Variants in CDC7 observed in about 807,000 individuals in gnomAD.
CDC7 encodes cell division cycle 7, also known as cell division cycle 7-related protein kinase.
Under a neutral mutation model 53.5 loss-of-function variants are expected in CDC7, and 34 were observed. That is an observed-to-expected ratio of 0.64 (90% confidence interval 0.48 to 0.85). The LOEUF (loss-of-function observed/expected upper bound fraction) is 0.85, where lower values mean the gene tolerates loss of function less well. Ranked by LOEUF, CDC7 falls within the 40% of genes least tolerant of loss-of-function variation. The probability of loss-of-function intolerance (pLI) is 0.00; values close to 1 mark genes in which losing one functional copy is unlikely to be tolerated. For missense variants in CDC7, 594 were observed against 679.7 expected (o/e 0.87, Z 1.40); for synonymous variants, 211 against 222.8 (o/e 0.95, Z 0.47).
intron 2 of CDC7, 73 bp from the exon 3 acceptor site, chr1:91,507,781 G>T: frequency 1.0e-6 from 1 of 979,766 alleles, no homozygotes; most frequent in South Asian, 1.6e-5. Context: ...ATTTCATTGA[G>T]CTTTTTAAAT....
chr1:91,509,371 CAAAAA>C (rs200506949), intron 4 of CDC7, among the ~76,000 whole-genome samples: 1 of 103,466 alleles, frequency 9.7e-6, no homozygotes, highest in African/African-American at 3.4e-5. Flanking sequence ...CTTAACATAC[CAAAAA>C]AAAAAAAAAA....
At chr1:91,504,382 T>G (rs753111620) in intron 2 of CDC7, among the ~76,000 whole-genome samples, 89 of 152,194 alleles carry the variant, frequency 5.8e-4, no homozygotes, top group Non-Finnish European at 7.3e-4. Flanking sequence ...GCACTGGGAT[T>G]ACAGGTGTGA....
chr1:91,501,970 C>G, intron 2 of CDC7, 139 bp downstream of exon 2: 1 of 669,206 alleles, frequency 1.5e-6, no homozygotes, highest in Non-Finnish European at 2.5e-6. Context: ...TAAAACAGAG[C>G]TTCGTATGAT....
chr1:91,515,390 TC>T (rs560877685), intron 9 of CDC7, among the ~76,000 whole-genome samples: 125 of 152,290 alleles, frequency 8.2e-4, no homozygotes, highest in African/African-American at 2.8e-3. Context: ...ATAAATTTCT[TC>T]CTTTCCTTCA....
chr1:91,514,635 G>A (rs913568717), intron 8 of CDC7, among the ~76,000 whole-genome samples, 184 bp from the exon 9 acceptor site: 2 of 152,086 alleles, frequency 1.3e-5, no homozygotes. Context: ...TTAATATAAG[G>A]TGACTTTACA....
chr1:91,502,858 A>G (rs1666774001), intron 2 of CDC7, among the ~76,000 whole-genome samples: 1 of 152,144 alleles, frequency 6.6e-6, no homozygotes, highest in Non-Finnish European at 1.5e-5. Flanking sequence ...GTGCTAGAAT[A>G]ATCTTAAAAT....
intron 1 of CDC7, chr1:91,501,324 T>G: frequency 1.0e-5 from 2 of 197,586 alleles, no homozygotes; most frequent in South Asian, 2.3e-4. Context: ...TCAGTTCTTT[T>G]CCTGACTTCA....
intron 10 of CDC7, among the ~76,000 whole-genome samples, chr1:91,518,092 T>A (rs1233299549): frequency 1.1e-3 from 1 of 932 alleles, no homozygotes; most frequent in Non-Finnish European, 7.8e-3. Context: ...AGACTCAGTC[T>A]CAAAAAAAAA....
chr1:91,522,747 G>T (rs778984171), intron 11 of CDC7, among the ~76,000 whole-genome samples: 1 of 152,114 alleles, frequency 6.6e-6, no homozygotes, highest in Non-Finnish European at 1.5e-5. Context: ...AAAAGCATTG[G>T]CATATTGTAC....
intron 11 of CDC7, among the ~76,000 whole-genome samples, chr1:91,523,769 CAG>C (rs1200903075): frequency 1.3e-5 from 2 of 152,232 alleles, no homozygotes; most frequent in East Asian, 3.9e-4. Flanking sequence ...GAGAAATTGG[CAG>C]AGTCAAGTGA....
rs1208097204 is a variant in CDC7 at position 91,524,241 on chromosome 1, A to T, written c.1531A>T (p.Asn511Tyr). The part of the protein sequence containing the change: ...VQTPPGQYSG[N>Y]SFKKGDSNSC... Reference sequence around the variant, plus strand: ...AACACCTCCAGGACAATACTCAGGGAATTCATTTAAAAAGGGGGATAGTAA... The same window carrying T: ...AACACCTCCAGGACAATACTCAGGGTATTCATTTAAAAAGGGGGATAGTAA... Residue 511 changes from asparagine to tyrosine, a missense_variant, in exon 12 of 12, where the codon AAT becomes TAT. Coordinates refer to ENST00000234626, the MANE Select transcript of CDC7 (RefSeq NM_003503.4). 6.2e-7 allele frequency: 1 copy of T among 1,613,990 alleles called. No homozygotes were observed. The highest frequency in any genetic ancestry group is 1.1e-5 in the South Asian group (1 of 91,080).
intron 11 of CDC7, among the ~76,000 whole-genome samples, chr1:91,523,625 A>T (rs1668101923): frequency 6.6e-6 from 1 of 152,188 alleles, no homozygotes; most frequent in Non-Finnish European, 1.5e-5. Context: ...TGTCCTGGGC[A>T]CACAAGGGGT....
intron 4 of CDC7, among the ~76,000 whole-genome samples, chr1:91,509,018 C>T (rs1397392080): frequency 1.3e-5 from 2 of 152,140 alleles, no homozygotes; most frequent in Non-Finnish European, 2.9e-5. Flanking sequence ...TTACTCTAGG[C>T]ATCATTTAAC....
rs1158526144 is a variant in CDC7 at position 91,508,250 on chromosome 1, A to T, written c.200-12A>T. On this transcript the variant is annotated splice_polypyrimidine_tract_variant and intron_variant, in intron 3 of 11. Coordinates refer to ENST00000234626, the MANE Select transcript of CDC7 (RefSeq NM_003503.4). ...AACCAGATATTGAAAAATTTAATAA[A>T]TTGTTTTACAGGCACTTTCAGCTCT... 6.4e-7 allele frequency: 1 copy of T among 1,568,142 alleles called. No homozygotes were observed. The highest frequency in any genetic ancestry group is 1.2e-5 in the South Asian group (1 of 82,908).
chr1:91,525,596 T>G lies in CDC7; in HGVS notation c.*1161T>G, dbSNP rs942399712. On this transcript the variant is annotated 3_prime_UTR_variant, in exon 12 of 12. Coordinates refer to ENST00000234626, the MANE Select transcript of CDC7 (RefSeq NM_003503.4). The stretch of plus-strand genomic sequence containing the variant: ...ACAGAAATAGTTTAGGGACATGTAT[T>G]CATTTTGTTATTTTGAGCATTGATA... 1 of 152,136 alleles carries G rather than the reference T, an allele frequency of 6.6e-6. No individual in the cohort carries two copies. The highest frequency in any genetic ancestry group is 2.4e-5 in the African/African-American group (1 of 41,454). 9.4% of individuals were successfully genotyped at this position (152,136 alleles called of 1,614,324 possible).
At position 91,515,827 on chromosome 1, in the gene CDC7, A is replaced by G. The variant is rs1389815440; in HGVS notation, c.1131A>G (p.Pro377=). 6.2e-7 allele frequency: 1 copy of G among 1,613,868 alleles called. No individual in the cohort carries two copies. The highest frequency in any genetic ancestry group is 8.5e-7 in the Non-Finnish European group (1 of 1,179,832). Residue 377 remains proline, a synonymous_variant, in exon 10 of 12, where the codon CCA becomes CCG. Transcript: ENST00000234626. ...AGGTTGCCCCTAGGGCAGGTACACC[A>G]GGATTCAGAGCACCAGAGGTCTTGA... ...RQQVAPRAGT[P]GFRAPEVLTK... is the part of the protein sequence containing the mutation.
rs180946312 is a variant in CDC7, at chr1:91,508,658, A to G, written c.335+261A>G. On this transcript the variant is annotated intron_variant, in intron 4 of 11. Transcript: ENST00000234626. ...TTTTGTAACCTTCCTGCCAAATCAT[A>G]AACCTTGGCTTTCATGGTTTACATT... 1.4e-4 allele frequency among the ~76,000 whole-genome samples: 21 copies of G among 152,292 alleles called. No homozygotes were observed. The East Asian group carries it at 3.7e-3, about 27-fold the overall frequency.
Position 91,520,194 on chromosome 1 carries a change from TA to T in CDC7, c.1248del (p.Ala417GlnfsTer5). On this transcript the variant is annotated frameshift_variant, in exon 11 of 12. Transcript: ENST00000234626. LOFTEE classifies it high-confidence loss of function. ...TGCTTAGTGGACGATATCCATTTTATAAAGCAAGTGATGATTTAACTGCTTT... is the reference window on the plus strand; with the variant it reads ...TGCTTAGTGGACGATATCCATTTTATAAGCAAGTGATGATTTAACTGCTTT... ...SLLSGRYPFYKASDDLTALAQ... is the reference protein window; with the variant it reads ...SLLSGRYPFYXASDDLTALAQ... 22 of 1,610,712 alleles carry T rather than the reference TA, an allele frequency of 1.4e-5. No homozygotes were observed. Among genetic ancestry groups the T allele is most frequent in the Non-Finnish European group, 1.6e-5 (19 of 1,178,184 alleles).
At chr1:91,513,358 C>G (rs187809879) in intron 7 of CDC7, 51 bp downstream of exon 7, 2 of 1,533,664 alleles carry the variant, frequency 1.3e-6, no homozygotes, top group Admixed American at 3.6e-5. Context: ...GAAATATACT[C>G]CTTCAACCAA....
Sources: gnomAD v4.1 joint callset for allele counts (sites outside exome capture counted in the v4.1 genomes callset) on GRCh38, gnomAD v4.1.1 for gene constraint, MANE v1.5 for transcripts, NCBI Gene and HGNC (gene_info 2026-07-23, HGNC 2026-07-21) for gene names.